ZDHHC14: variants seen among roughly 807,000 people sequenced by gnomAD.
The protein encoded by ZDHHC14 is palmitoyltransferase ZDHHC14.
In ZDHHC14, 16 loss-of-function variants were observed where a neutral mutation model predicts 47.7. The observed-to-expected ratio is 0.34, with a 90% CI of 0.23 to 0.51. ZDHHC14 has a LOEUF of 0.51. Ranked by LOEUF, ZDHHC14 falls within the 20% of genes least tolerant of loss-of-function variation. The pLI is 0.97. For missense variants in ZDHHC14, 515 were observed against 662.5 expected (o/e 0.78, Z 2.44); for synonymous variants, 293 against 278.9 (o/e 1.05, Z -0.50).
chr6:157,457,424 G>T (rs1333421624), intron 1 of ZDHHC14, among the ~76,000 whole-genome samples: 1 of 152,142 alleles, frequency 6.6e-6, no homozygotes, highest in Non-Finnish European at 1.5e-5. Flanking sequence ...CTGGAAATTT[G>T]CTCTAAGAAT....
At chr6:157,532,847 C>A (rs1223590418) in intron 1 of ZDHHC14, among the ~76,000 whole-genome samples, 2 of 152,230 alleles carry the variant, frequency 1.3e-5, no homozygotes, top group Non-Finnish European at 2.9e-5. Context: ...CAAGCATCTT[C>A]TTTATGGATA....
chr6:157,390,431 G>T (rs958359621), intron 1 of ZDHHC14, among the ~76,000 whole-genome samples: 4 of 152,082 alleles, frequency 2.6e-5, no homozygotes, highest in Admixed American at 6.5e-5. Context: ...TCTGTGGATT[G>T]ATATCTTTCA....
intron 1 of ZDHHC14, among the ~76,000 whole-genome samples, chr6:157,533,415 T>A (rs1045463027): frequency 1.3e-5 from 2 of 152,146 alleles, no homozygotes; most frequent in African/African-American, 4.8e-5. Flanking sequence ...GTTTGGAGAT[T>A]GTGTGCAGCA....
At position 157,587,888 on chromosome 6, in the gene ZDHHC14, G is replaced by A. The variant is rs554634595; in HGVS notation, c.407-5100G>A. ...GTAACCACTTTGGGAGACCAAGGTA[G>A]GAGGATCACTAGCTTGAGGCCAGTT... On this transcript the variant is annotated intron_variant, in intron 2 of 8. Transcript: ENST00000359775. Among the ~76,000 whole-genome samples, 17 of 152,260 alleles carry A rather than the reference G, an allele frequency of 1.1e-4. No homozygotes were observed. In the South Asian group the frequency reaches 2.7e-3, roughly 24 times the overall value.
In ZDHHC14 at chr6:157,579,190, G is replaced by GGTTTTTTTTTTTTTTTTTTTTT; in HGVS notation, c.407-13798_407-13797insGTTTTTTTTTTTTTTTTTTTTT. ...GCCATTTTAATGATATTGATTCTGT[G>GGTTTTTTTTTTTTTTTTTTTTT]TTTTTTTTTTTTTTTTTTTTTTTTT... On this transcript the variant is annotated intron_variant, in intron 2 of 8. Coordinates refer to ENST00000359775, the MANE Select transcript of ZDHHC14 (RefSeq NM_024630.3). Among the ~76,000 whole-genome samples, 2 of 63,948 alleles carry GGTTTTTTTTTTTTTTTTTTTTT rather than the reference G, an allele frequency of 3.1e-5. 1 individual carries two copies. 42.0% of individuals were successfully genotyped at this position (63,948 alleles called of 152,430 possible). A position where few individuals can be genotyped will look rare whatever the true frequency, so the allele number is the denominator to read the frequency against.
intron 8 of ZDHHC14, among the ~76,000 whole-genome samples, chr6:157,671,995 C>T (rs1210936531): frequency 1.3e-5 from 2 of 152,222 alleles, no homozygotes; most frequent in Non-Finnish European, 2.9e-5. Flanking sequence ...ATGCCTTAAA[C>T]ACCAGCTCCC....
chr6:157,444,517 A>G (rs1187653733), intron 1 of ZDHHC14, among the ~76,000 whole-genome samples: 1 of 152,138 alleles, frequency 6.6e-6, no homozygotes, highest in African/African-American at 2.4e-5. Flanking sequence ...ATCTCTACTA[A>G]AAATAGAAAA....
In ZDHHC14 at chr6:157,400,541, T is replaced by A. The variant is rs143307576; in HGVS notation, c.245+18275T>A. Reference sequence around the variant, plus strand: ...TGTAGTGAACTCTATTCTATTCTACTCTATTGTTTATTCTAGAATATTTCA... The same window carrying A: ...TGTAGTGAACTCTATTCTATTCTACACTATTGTTTATTCTAGAATATTTCA... On this transcript the variant is annotated intron_variant, in intron 1 of 8. Coordinates refer to ENST00000359775, the MANE Select transcript of ZDHHC14 (RefSeq NM_024630.3). Among the ~76,000 whole-genome samples the A allele has an allele frequency of 1.6e-3, 249 of 152,310 alleles. 1 individual carries two copies. Among genetic ancestry groups the A allele is most frequent in the African/African-American group, 5.7e-3 (235 of 41,568 alleles).
chr6:157,544,002 A>G (rs1781867602), intron 2 of ZDHHC14, among the ~76,000 whole-genome samples: 1 of 152,194 alleles, frequency 6.6e-6, no homozygotes, highest in South Asian at 2.1e-4. Flanking sequence ...GGAAAACTTT[A>G]TTATTACACC....
At chr6:157,493,148 T>C (rs1159787701) in intron 1 of ZDHHC14, among the ~76,000 whole-genome samples, 1 of 152,136 alleles carries the variant, frequency 6.6e-6, no homozygotes, top group Non-Finnish European at 1.5e-5. Flanking sequence ...GCTGTGTCAT[T>C]GTAGGTACAG....
intron 3 of ZDHHC14, among the ~76,000 whole-genome samples, chr6:157,610,637 C>T (rs889779156): frequency 6.6e-6 from 1 of 152,194 alleles, no homozygotes; most frequent in Non-Finnish European, 1.5e-5. Flanking sequence ...CGTTGGCCCA[C>T]AGAGCGGCCT....
Position 157,381,447 on chromosome 6 carries a change from C to G in ZDHHC14, c.-575C>G. 3.1e-6 allele frequency: 1 copy of G among 321,246 alleles called. No individual in the cohort carries two copies. The highest frequency in any genetic ancestry group is 6.3e-6 in the Non-Finnish European group (1 of 157,484). The allele number at this position is 321,246 out of a possible 1,614,324, so 19.9% of individuals were successfully genotyped here. A position where few individuals can be genotyped will look rare whatever the true frequency, so the allele number is the denominator to read the frequency against. On this transcript the variant is annotated 5_prime_UTR_variant, in exon 1 of 9. Coordinates refer to ENST00000359775, the MANE Select transcript of ZDHHC14 (RefSeq NM_024630.3). ...AGAAAAACGTGCGTGGTTGTCCCCACCCCTGGGAGGGGTTGCCGGTGCCGC... is the reference window on the plus strand; with the variant it reads ...AGAAAAACGTGCGTGGTTGTCCCCAGCCCTGGGAGGGGTTGCCGGTGCCGC...
rs1168943452 is a variant in ZDHHC14 at position 157,647,273 on chromosome 6, G to A, written c.870G>A (p.Trp290Ter). 1.9e-6 allele frequency: 3 copies of A among 1,613,620 alleles called. No individual in the cohort carries two copies. Among genetic ancestry groups the A allele is most frequent in the East Asian group, 2.2e-5 (1 of 44,862 alleles). Residue 290 changes from tryptophan to a stop codon, truncating the protein, a stop_gained, in exon 7 of 9, where the codon TGG (tryptophan) becomes TGA (stop). Transcript: ENST00000359775. LOFTEE classifies it high-confidence loss of function. The stretch of plus-strand genomic sequence containing the variant: ...TTTTCTTTCAGATTAAAGGATCCTG[G>A]TCAAATAAAAGAGGTAAAGAAAATT... ...QTTNEDIKGS[W>*]SNKRGKENYN...
chr6:157,589,697 T>C (rs888247490), intron 2 of ZDHHC14, among the ~76,000 whole-genome samples: 12 of 152,174 alleles, frequency 7.9e-5, no homozygotes, highest in African/African-American at 2.9e-4. Flanking sequence ...CCTTTATAAA[T>C]TACCCAGTCT....
At chr6:157,636,887 T>A (rs1777013951) in intron 5 of ZDHHC14, among the ~76,000 whole-genome samples, 1 of 152,240 alleles carries the variant, frequency 6.6e-6, no homozygotes, top group Non-Finnish European at 1.5e-5. Context: ...GGTGTGCCAC[T>A]GACGCCCCTC....
intron 1 of ZDHHC14, among the ~76,000 whole-genome samples, chr6:157,391,660 TC>T: frequency 6.6e-6 from 1 of 152,364 alleles, no homozygotes; most frequent in South Asian, 2.1e-4. Context: ...TATGGTGGAT[TC>T]CTGTTCTTCC....
intron 1 of ZDHHC14, among the ~76,000 whole-genome samples, chr6:157,403,941 G>A (rs1434046706): frequency 6.6e-6 from 1 of 152,208 alleles, no homozygotes; most frequent in Non-Finnish European, 1.5e-5. Flanking sequence ...GCACACAAAC[G>A]GGAGGACTTT....
In ZDHHC14 at chr6:157,519,652, G is replaced by C. The variant is rs201375670; in HGVS notation, c.246-22933G>C. On this transcript the variant is annotated intron_variant, in intron 1 of 8. Transcript: ENST00000359775. ...ACCAGCAGGCAGAGCCTTGGAGCCG[G>C]GGTCTTAGCCCGGCCCCTCAAGAGC... 2.0e-5 allele frequency among the ~76,000 whole-genome samples: 3 copies of C among 152,184 alleles called. No homozygotes were observed. In the East Asian group the frequency reaches 5.8e-4, roughly 29 times the overall value.
chr6:157,618,568 C>T (rs577054821), intron 3 of ZDHHC14, among the ~76,000 whole-genome samples: 2 of 152,108 alleles, frequency 1.3e-5, no homozygotes, highest in Non-Finnish European at 2.9e-5. Context: ...ATGATCCACC[C>T]ACCTCGGCCT....
Sources: allele counts gnomAD v4.1 joint callset (sites outside exome capture counted in the v4.1 genomes callset), GRCh38; gene constraint gnomAD v4.1.1; transcripts MANE v1.5; gene names NCBI Gene and HGNC (gene_info 2026-07-23, HGNC 2026-07-21).